ZBTB41: variants seen among roughly 807,000 people sequenced by gnomAD.
ZBTB41 encodes the protein zinc finger and BTB domain containing 41.
In ZBTB41, 42 loss-of-function variants were observed where a neutral mutation model predicts 87.6. The ratio of observed to expected loss-of-function variants is 0.48; its 90% CI spans 0.37 to 0.62. The LOEUF is 0.62. Ranked by LOEUF, ZBTB41 falls within the 20% of genes least tolerant of loss-of-function variation. The pLI is 0.00. For synonymous variants in ZBTB41, 364 were observed against 364.0 expected (o/e 1.00, Z 0.00); for missense variants, 799 against 1,078.9 (o/e 0.74, Z 3.63).
At chr1:197,166,128 C>A (rs548012822) in intron 10 of ZBTB41, among the ~76,000 whole-genome samples, 1 of 151,986 alleles carries the variant, frequency 6.6e-6, no homozygotes, top group Admixed American at 6.5e-5. Flanking sequence ...CACCATAGCA[C>A]GTGTATACCT....
intron 9 of ZBTB41, among the ~76,000 whole-genome samples, chr1:197,172,500 G>A (rs1221752000): frequency 2.0e-5 from 3 of 151,984 alleles, no homozygotes; most frequent in East Asian, 3.9e-4. Context: ...ATAAAAAGAG[G>A]TCTGTAGATT....
At chr1:197,168,813 G>GT (rs1659409439) in intron 10 of ZBTB41, among the ~76,000 whole-genome samples, 1 of 151,972 alleles carries the variant, frequency 6.6e-6, no homozygotes, top group Admixed American at 6.5e-5. Flanking sequence ...GAGTGAAAAG[G>GT]TAAGTCATAG....
chr1:197,197,087 T>G (rs894129375), intron 2 of ZBTB41, among the ~76,000 whole-genome samples: 1 of 152,126 alleles, frequency 6.6e-6, no homozygotes, highest in Admixed American at 6.6e-5. Context: ...AACACCTACA[T>G]TTTGTGCAAT....
chr1:197,163,161 G>A (rs1033336521), intron 10 of ZBTB41, among the ~76,000 whole-genome samples: 2 of 152,128 alleles, frequency 1.3e-5, no homozygotes, highest in Admixed American at 1.3e-4. Flanking sequence ...CAGATCAGAA[G>A]TAGCCAGAAA....
At chr1:197,161,761 T>G (rs1483801937) in intron 10 of ZBTB41, among the ~76,000 whole-genome samples, 1 of 151,998 alleles carries the variant, frequency 6.6e-6, no homozygotes, top group Non-Finnish European at 1.5e-5. Context: ...GAAAACAAAA[T>G]GTACACTTCC....
Position 197,199,910 on chromosome 1 carries a change from T to C in ZBTB41, c.564A>G (p.Glu188=). 1 of 1,612,170 alleles carries C rather than the reference T, an allele frequency of 6.2e-7. No individual in the cohort carries two copies. Among genetic ancestry groups the C allele is most frequent in the Non-Finnish European group, 8.5e-7 (1 of 1,179,092 alleles). The stretch of plus-strand genomic sequence containing the variant: ...TTAGTGTTTCTTCTGGTGATGACTT[T>C]TCAGTTAGCTCTGAATGAAAAGGGG... The part of the protein sequence containing the change: ...NVAPFHSELT[E]KSSPEETLNE... Residue 188 remains glutamate, a synonymous_variant, in exon 2 of 11, where the codon GAA becomes GAG. Transcript: ENST00000367405.
rs1215372011 is a variant in ZBTB41, at chr1:197,191,886, G to C, written c.1134C>G (p.Ser378Arg). 6.3e-7 allele frequency: 1 copy of C among 1,598,064 alleles called. No homozygotes were observed. The highest frequency in any genetic ancestry group is 2.2e-5 in the East Asian group (1 of 44,684). The change falls in exon 3 of 11, where the codon AGC becomes AGG. Residue 378 changes from serine to arginine, a missense_variant. By Grantham distance (110) the Ser-to-Arg change is moderately radical (BLOSUM62 -1). This residue lies in a region of ZBTB41 where 294 missense variants were observed against 340.1 expected (regional missense o/e 0.86). Transcript: ENST00000367405. ...TCTCACCTGTGTGAACACGGGTGTG[G>C]CTCTCATATTTTCCTATAAAAAAAG... ...KTFDRIGKYE[S>R]HTRVHTGEKP...
chr1:197,170,907 C>T (rs1659462260), intron 10 of ZBTB41, among the ~76,000 whole-genome samples: 1 of 152,104 alleles, frequency 6.6e-6, no homozygotes, highest in African/African-American at 2.4e-5. Context: ...TAGCCATAGT[C>T]TTTGTCTTAT....
At chr1:197,182,332 C>A (rs1387730048) in intron 5 of ZBTB41, among the ~76,000 whole-genome samples, 1 of 84,948 alleles carries the variant, frequency 1.2e-5, no homozygotes, top group Non-Finnish European at 3.1e-5. Context: ...AAGAAAATAA[C>A]AACTGCATTT....
intron 10 of ZBTB41, among the ~76,000 whole-genome samples, chr1:197,167,636 T>C (rs1659381588): frequency 6.6e-6 from 1 of 151,916 alleles, no homozygotes; most frequent in African/African-American, 2.4e-5. Context: ...ATCAGTACAA[T>C]TTACCACATA....
intron 5 of ZBTB41, among the ~76,000 whole-genome samples, chr1:197,185,774 A>C (rs1659867592): frequency 6.6e-6 from 1 of 152,218 alleles, no homozygotes; most frequent in Non-Finnish European, 1.5e-5. Flanking sequence ...TTTAGGTATA[A>C]ATCTAACAAC....
rs1356076039 is a variant in ZBTB41 at position 197,160,138 on chromosome 1, A to G, written c.2075-124T>C. The stretch of plus-strand genomic sequence containing the variant: ...AACTTGATAATAGCAATAATACTGT[A>G]TACTATCACAAAATGCAGACAGTAC... On this transcript the variant is annotated intron_variant, in intron 10 of 10. Transcript: ENST00000367405. 4.4e-6 allele frequency: 3 copies of G among 677,646 alleles called. No individual in the cohort carries two copies. In the African/African-American group the frequency reaches 5.4e-5, roughly 12 times the overall value. 42.0% of individuals were successfully genotyped at this position (677,646 alleles called of 1,614,324 possible). A position where few individuals can be genotyped will look rare whatever the true frequency, so the allele number is the denominator to read the frequency against.
At position 197,159,520 on chromosome 1, in the gene ZBTB41, G is replaced by A; in HGVS notation, c.2569C>T (p.Leu857=). ...DYPRAADLAF[L]EKYTLTPQPA... is the part of the protein sequence containing the mutation. ...TGAGGAGTAAGAGTATATTTTTCCA[G>A]AAAAGCTAAATCCGCTGCTCGTGGA... Residue 857 remains leucine, a synonymous_variant, in exon 11 of 11, where the codon CTG becomes TTG. Transcript: ENST00000367405. The A allele has an allele frequency of 1.9e-6, 3 of 1,613,956 alleles. No individual in the cohort carries two copies. The highest frequency in any genetic ancestry group is 2.5e-6 in the Non-Finnish European group (3 of 1,179,884).
intron 2 of ZBTB41, among the ~76,000 whole-genome samples, chr1:197,194,039 G>A (rs77894964): frequency 6.8e-6 from 1 of 148,034 alleles, no homozygotes; most frequent in Non-Finnish European, 1.5e-5. Context: ...TTTTTTTTTT[G>A]AGACGGAGTT....
intron 10 of ZBTB41, among the ~76,000 whole-genome samples, chr1:197,164,926 AATATATTAT>A (rs1160493031): frequency 6.2e-4 from 29 of 47,150 alleles, no homozygotes; most frequent in African/African-American, 1.4e-3. Flanking sequence ...ATACATATCT[AATATATTAT>A]ATATATTATA....
chr1:197,195,051 C>T (rs1036059343), intron 2 of ZBTB41, among the ~76,000 whole-genome samples: 1 of 152,172 alleles, frequency 6.6e-6, no homozygotes, highest in South Asian at 2.1e-4. Flanking sequence ...AAACAGTAAA[C>T]ATCTACAACT....
intron 9 of ZBTB41, among the ~76,000 whole-genome samples, chr1:197,173,427 CAG>C (rs1279787267): frequency 6.6e-6 from 1 of 152,046 alleles, no homozygotes; most frequent in African/African-American, 2.4e-5. Context: ...TTGTTAGAGA[CAG>C]GGTCTTGTTC....
intron 4 of ZBTB41, among the ~76,000 whole-genome samples, chr1:197,190,126 G>A (rs1659990551): frequency 6.6e-6 from 1 of 152,004 alleles, no homozygotes. Context: ...TTGCCATGTT[G>A]GCCAGATTGG....
chr1:197,159,048 C>A lies in ZBTB41; in HGVS notation c.*311G>T. The A allele has an allele frequency of 3.8e-6, 1 of 264,748 alleles. No homozygotes were observed. Among genetic ancestry groups the A allele is most frequent in the Non-Finnish European group, 7.2e-6 (1 of 139,282 alleles). 16.4% of individuals were successfully genotyped at this position (264,748 alleles called of 1,614,324 possible). On this transcript the variant is annotated 3_prime_UTR_variant, in exon 11 of 11. Transcript: ENST00000367405. ...GACTAAAGAAGAATAAAAATTTCCA[C>A]TGATGATTAAAAAAAATACTTCCAT...
Sources: gnomAD v4.1 joint callset for allele counts (sites outside exome capture counted in the v4.1 genomes callset) on GRCh38, gnomAD v4.1.1 for gene constraint, gnomAD v4.1.1 regional missense constraint, MANE v1.5 for transcripts, NCBI Gene and HGNC (gene_info 2026-07-23, HGNC 2026-07-21) for gene names.